Variants in PATJ observed in about 807,000 individuals in gnomAD.
PATJ encodes PATJ crumbs cell polarity complex component.
PATJ carries 190 observed loss-of-function variants against 224.9 expected under a neutral mutation model. The observed-to-expected ratio is 0.84, with a 90% CI of 0.75 to 0.95. The LOEUF (loss-of-function observed/expected upper bound fraction) is 0.95, where lower values mean the gene tolerates loss of function less well. Ranked by LOEUF, PATJ falls within the 40% of genes least tolerant of loss-of-function variation. The probability of loss-of-function intolerance (pLI) is 0.00; values close to 1 mark genes in which losing one functional copy is unlikely to be tolerated. For missense variants in PATJ, 2,121 were observed against 2,270.3 expected (o/e 0.93, Z 1.34); for synonymous variants, 769 against 820.3 (o/e 0.94, Z 1.07).
At chr1:62,139,476 C>T (rs1229256055) in intron 41 of PATJ, among the ~76,000 whole-genome samples, 1 of 150,944 alleles carries the variant, frequency 6.6e-6, no homozygotes, top group Non-Finnish European at 1.5e-5. Flanking sequence ...ACACAAACAT[C>T]TCCCAGCCTT....
chr1:61,799,861 G>A (rs1315125115), intron 11 of PATJ, among the ~76,000 whole-genome samples: 1 of 152,110 alleles, frequency 6.6e-6, no homozygotes, highest in Non-Finnish European at 1.5e-5. Context: ...CACCATTCAT[G>A]TTGCTGAAAA....
At position 61,801,614 on chromosome 1, in the gene PATJ, T is replaced by G. The variant is rs1247733394; in HGVS notation, c.1403-9T>G. 2 of 1,483,696 alleles carry G rather than the reference T, an allele frequency of 1.3e-6. No homozygotes were observed. Among genetic ancestry groups the G allele is most frequent in the Admixed American group, 2.3e-5 (1 of 43,054 alleles). The allele number at this position is 1,483,696 out of a possible 1,614,324, so 91.9% of individuals were successfully genotyped here. ...CAAAATTTTAAAAAATTATTTTTTT[T>G]TGTTTTAGGAACTGTTGTAGAACCA... On this transcript the variant is annotated splice_polypyrimidine_tract_variant and intron_variant, in intron 11 of 43. Transcript: ENST00000642238.
intron 34 of PATJ, among the ~76,000 whole-genome samples, chr1:62,112,850 C>T (rs909341359): frequency 1.3e-5 from 2 of 152,132 alleles, no homozygotes; most frequent in African/African-American, 4.8e-5. Context: ...TCTCCAGTAA[C>T]CCATTCTAAG....
chr1:61,766,893 G>T lies in PATJ; in HGVS notation c.384+420G>T, dbSNP rs118170861. Among the ~76,000 whole-genome samples, 12 of 152,188 alleles carry T rather than the reference G, an allele frequency of 7.9e-5. No homozygotes were observed. In the East Asian group the frequency reaches 2.1e-3, roughly 27 times the overall value. The stretch of plus-strand genomic sequence containing the variant: ...GGATCACTAGAGGTCAGGAGTTTGA[G>T]ACTAGCCCGACCAACATGGCAAAAC... On this transcript the variant is annotated intron_variant, in intron 4 of 43. Coordinates refer to ENST00000642238, the MANE Select transcript of PATJ (RefSeq NM_001350145.3).
intron 27 of PATJ, among the ~76,000 whole-genome samples, chr1:61,958,675 G>C (rs1557943554): frequency 6.6e-6 from 1 of 152,028 alleles, no homozygotes; most frequent in Non-Finnish European, 1.5e-5. Flanking sequence ...ATTTTCCTCA[G>C]GGAACACAGA....
intron 25 of PATJ, among the ~76,000 whole-genome samples, chr1:61,914,186 T>A (rs1322724089): frequency 6.6e-6 from 1 of 152,242 alleles, no homozygotes; most frequent in African/African-American, 2.4e-5. Flanking sequence ...CCAGGCTCAG[T>A]GGCTCACGCC....
intron 28 of PATJ, chr1:61,991,750 GTCA>G: frequency 2.0e-6 from 2 of 984,246 alleles, no homozygotes; most frequent in Non-Finnish European, 2.4e-6. Context: ...CATAAATAAA[GTCA>G]AAGATGACCT....
At chr1:61,837,968 A>G (rs1261135672) in intron 17 of PATJ, among the ~76,000 whole-genome samples, 3 of 152,176 alleles carry the variant, frequency 2.0e-5, no homozygotes, top group Non-Finnish European at 4.4e-5. Context: ...TGAGTCTGAT[A>G]CACAGTTCTA....
intron 31 of PATJ, among the ~76,000 whole-genome samples, chr1:62,066,998 T>C (rs1242398655): frequency 6.6e-6 from 1 of 152,060 alleles, no homozygotes; most frequent in Non-Finnish European, 1.5e-5. Context: ...AGTGATGTTA[T>C]CTACAATTGG....
chr1:61,834,999 G>T (rs1479995182), intron 17 of PATJ, among the ~76,000 whole-genome samples: 1 of 152,184 alleles, frequency 6.6e-6, no homozygotes, highest in East Asian at 1.9e-4. Flanking sequence ...AAAGTGCTGG[G>T]ATTACAGGCA....
chr1:61,837,343 AATT>A (rs1197065908), intron 17 of PATJ, among the ~76,000 whole-genome samples: 1 of 152,208 alleles, frequency 6.6e-6, no homozygotes, highest in Non-Finnish European at 1.5e-5. Flanking sequence ...AGATTACAAA[AATT>A]AATAAGTAGA....
At chr1:61,757,531 G>A (rs913949176) in intron 1 of PATJ, among the ~76,000 whole-genome samples, 2 of 151,290 alleles carry the variant, frequency 1.3e-5, no homozygotes, top group Non-Finnish European at 2.9e-5. Context: ...GACTACAGGC[G>A]TGCACCATCA....
intron 37 of PATJ, among the ~76,000 whole-genome samples, chr1:62,118,020 G>C (rs1314075544): frequency 6.6e-6 from 1 of 152,138 alleles, no homozygotes; most frequent in Non-Finnish European, 1.5e-5. Flanking sequence ...TGATCTTACA[G>C]TTAGCACACA....
chr1:62,065,908 C>T (rs1385715400), intron 31 of PATJ, among the ~76,000 whole-genome samples: 7 of 152,196 alleles, frequency 4.6e-5, no homozygotes, highest in Non-Finnish European at 4.4e-5. Flanking sequence ...GCTGCTTGGG[C>T]ACTGTTCTCT....
At chr1:61,750,755 G>A (rs1645280478) in intron 1 of PATJ, among the ~76,000 whole-genome samples, 1 of 151,574 alleles carries the variant, frequency 6.6e-6, no homozygotes. Context: ...TTCGGCGCTT[G>A]TAATGAAGTT....
chr1:62,098,002 C>G (rs1173797713), intron 33 of PATJ, among the ~76,000 whole-genome samples: 1 of 152,150 alleles, frequency 6.6e-6, no homozygotes, highest in Non-Finnish European at 1.5e-5. Context: ...GGTGCAGTGG[C>G]TCACCCCTGT....
intron 24 of PATJ, among the ~76,000 whole-genome samples, chr1:61,904,599 C>G (rs537768389): frequency 1.3e-5 from 2 of 152,352 alleles, no homozygotes; most frequent in South Asian, 4.1e-4. Flanking sequence ...AGTCCATTCT[C>G]AACTGCTATG....
chr1:61,833,668 G>T lies in PATJ; in HGVS notation c.1995G>T (p.Met665Ile), dbSNP rs1404538175. The part of the protein sequence containing the change: ...SLPETEVDHN[M>I]DVNTEEDDDG... Reference sequence around the variant, plus strand: ...TGGTATTTCAGGTTGACCACAATATGGATGTCAATACTGAAGAAGATGATG... The same window carrying T: ...TGGTATTTCAGGTTGACCACAATATTGATGTCAATACTGAAGAAGATGATG... The change falls in exon 17 of 44, where the codon ATG (methionine) becomes ATT (isoleucine). Residue 665 changes from methionine to isoleucine, a missense_variant. Transcript: ENST00000642238. The T allele has an allele frequency of 6.2e-7, 1 of 1,611,706 alleles. No individual in the cohort carries two copies. Among genetic ancestry groups the T allele is most frequent in the African/African-American group, 1.3e-5 (1 of 74,762 alleles).
chr1:61,914,440 G>A, intron 25 of PATJ, 147 bp from the exon 26 acceptor site: 2 of 437,820 alleles, frequency 4.6e-6, no homozygotes, highest in Non-Finnish European at 4.3e-6. Flanking sequence ...TGGGTGACAA[G>A]AGCGAATCTC....
Sources: gnomAD v4.1 joint callset for allele counts (sites outside exome capture counted in the v4.1 genomes callset) on GRCh38, gnomAD v4.1.1 for gene constraint, MANE v1.5 for transcripts, NCBI Gene and HGNC (gene_info 2026-07-23, HGNC 2026-07-21) for gene names.